Variants in SPON1 observed in about 807,000 individuals in gnomAD.
SPON1 encodes the protein spondin-1.
Under a neutral mutation model 111.7 loss-of-function variants are expected in SPON1, and 52 were observed. That is an observed-to-expected ratio of 0.47 (90% CI 0.37 to 0.59). The LOEUF (loss-of-function observed/expected upper bound fraction) is 0.59, where lower values mean the gene tolerates loss of function less well. SPON1 is among the 20% of genes least tolerant of loss of function. SPON1 has a pLI of 0.00. For missense variants in SPON1, 957 were observed against 1,068.5 expected (o/e 0.90, Z 1.46); for synonymous variants, 410 against 395.8 (o/e 1.04, Z -0.43).
At chr11:14,262,223 C>A (rs1359800437) in intron 14 of SPON1, among the ~76,000 whole-genome samples, 2 of 152,166 alleles carry the variant, frequency 1.3e-5, no homozygotes, top group African/African-American at 4.8e-5. Context: ...GAATGAAAAG[C>A]TGCCAGGGTG....
chr11:14,260,315 T>C (rs1411499241), intron 13 of SPON1, among the ~76,000 whole-genome samples: 6 of 152,164 alleles, frequency 3.9e-5, no homozygotes, highest in Non-Finnish European at 8.8e-5. Flanking sequence ...TCAGTGGCCT[T>C]TCTAGTGGGG....
chr11:13,975,715 T>C (rs1356942453), intron 1 of SPON1, among the ~76,000 whole-genome samples: 2 of 152,164 alleles, frequency 1.3e-5, no homozygotes, highest in African/African-American at 4.8e-5. Flanking sequence ...AACCTGAACT[T>C]GTAAGAATCG....
At chr11:14,019,289 G>C (rs976271416) in intron 2 of SPON1, among the ~76,000 whole-genome samples, 1 of 151,708 alleles carries the variant, frequency 6.6e-6, no homozygotes, top group Non-Finnish European at 1.5e-5. Flanking sequence ...AATAAGATGG[G>C]AATAATGGCA....
In SPON1 at chr11:14,009,830, T is replaced by C. The variant is rs367898299; in HGVS notation, c.345+26877T>C. Among the ~76,000 whole-genome samples, 3 of 152,282 alleles carry C rather than the reference T, an allele frequency of 2.0e-5. No individual in the cohort carries two copies. In the South Asian group the frequency reaches 6.2e-4, roughly 32 times the overall value. On this transcript the variant is annotated intron_variant, in intron 2 of 15. Coordinates refer to ENST00000576479, the MANE Select transcript of SPON1 (RefSeq NM_006108.4). Reference sequence around the variant, plus strand: ...GTAAGAGAGCTCACTCAGGTCTCTTTTATAAGGACACTAATTCCATTTATG... The same window carrying C: ...GTAAGAGAGCTCACTCAGGTCTCTTCTATAAGGACACTAATTCCATTTATG...
chr11:14,003,799 A>T (rs1848338182), intron 2 of SPON1, among the ~76,000 whole-genome samples: 3 of 152,176 alleles, frequency 2.0e-5, no homozygotes, highest in South Asian at 4.1e-4. Context: ...TTTTTGTGAC[A>T]AGGGCAACTA....
At chr11:14,229,771 C>G (rs1446564771) in intron 6 of SPON1, among the ~76,000 whole-genome samples, 1 of 152,188 alleles carries the variant, frequency 6.6e-6, no homozygotes, top group Non-Finnish European at 1.5e-5. Context: ...TATAAGTGAC[C>G]AAGCCAAGAG....
intron 6 of SPON1, among the ~76,000 whole-genome samples, chr11:14,199,085 G>T (rs576463554): frequency 6.6e-6 from 1 of 152,256 alleles, no homozygotes; most frequent in Admixed American, 6.5e-5. Flanking sequence ...CTTTGGTACA[G>T]AGTTACTAAG....
chr11:14,259,687 T>A lies in SPON1; in HGVS notation c.1817T>A (p.Met606Lys). 6 of 1,573,784 alleles carry A rather than the reference T, an allele frequency of 3.8e-6. No individual in the cohort carries two copies. The highest frequency in any genetic ancestry group is 5.2e-6 in the Non-Finnish European group (6 of 1,159,786). The change falls in exon 13 of 16, where the codon ATG becomes AAG. Residue 606 changes from methionine (M) to lysine (K), a missense_variant. Met to Lys is a moderately conservative substitution (Grantham distance 95). This residue lies in a region of SPON1 where 549 missense variants were observed against 606.2 expected (regional missense o/e 0.91). Transcript: ENST00000576479. The surrounding 1 kb of genome is among the most constrained non-coding windows in gnomAD (Gnocchi z 5.0). ...KAETSQAEKCMMPECHTIPCL... is the reference protein window; with the variant it reads ...KAETSQAEKCKMPECHTIPCL... ...GAGACATCACAGGCAGAGAAGTGCA[T>A]GATGCCAGAGTGCCGTGAGTGAGAG...
chr11:14,007,176 T>C (rs1848368884), intron 2 of SPON1, among the ~76,000 whole-genome samples: 1 of 152,196 alleles, frequency 6.6e-6, no homozygotes, highest in East Asian at 1.9e-4. Context: ...GCATGTGCAG[T>C]TCACCATAGG....
At chr11:14,190,135 C>G (rs1321462476) in intron 6 of SPON1, among the ~76,000 whole-genome samples, 2 of 152,190 alleles carry the variant, frequency 1.3e-5, no homozygotes, top group Non-Finnish European at 1.5e-5. Flanking sequence ...GCTCCAACAT[C>G]TGGACCCAGG....
At chr11:14,169,283 G>C (rs1397787673) in intron 6 of SPON1, among the ~76,000 whole-genome samples, 2 of 151,890 alleles carry the variant, frequency 1.3e-5, no homozygotes, top group African/African-American at 4.8e-5. Context: ...TGTGTTTTTT[G>C]ACTGCATAAA....
chr11:14,027,384 A>G (rs1025775569), intron 2 of SPON1, among the ~76,000 whole-genome samples: 3 of 152,188 alleles, frequency 2.0e-5, no homozygotes, highest in Admixed American at 6.5e-5. Context: ...ATGAGCTTCA[A>G]TAATCTGATC....
intron 5 of SPON1, among the ~76,000 whole-genome samples, chr11:14,093,954 A>G (rs182766998): frequency 6.6e-6 from 1 of 152,290 alleles, no homozygotes; most frequent in Admixed American, 6.5e-5. Context: ...GGTCACGCCT[A>G]TGATCCCAGC....
At chr11:13,991,692 G>A (rs906417393) in intron 2 of SPON1, among the ~76,000 whole-genome samples, 7 of 152,074 alleles carry the variant, frequency 4.6e-5, no homozygotes, top group African/African-American at 1.7e-4. Flanking sequence ...TTTTTTGCTG[G>A]CTTATCCACA....
intron 2 of SPON1, among the ~76,000 whole-genome samples, chr11:14,004,449 C>T (rs1367210032): frequency 2.0e-5 from 3 of 152,212 alleles, no homozygotes; most frequent in Non-Finnish European, 4.4e-5. Context: ...ACGTTTCCAT[C>T]AACAGCATAC....
chr11:14,059,120 C>T (rs1554919566), intron 3 of SPON1, among the ~76,000 whole-genome samples: 1 of 152,212 alleles, frequency 6.6e-6, no homozygotes, highest in African/African-American at 2.4e-5. Context: ...TTCATGCCTG[C>T]CCTGTTATCA....
At chr11:14,190,767 A>T (rs1848338395) in intron 6 of SPON1, among the ~76,000 whole-genome samples, 1 of 150,536 alleles carries the variant, frequency 6.6e-6, no homozygotes, top group Non-Finnish European at 1.5e-5. Context: ...CAGTGCCCCG[A>T]GTAGCTAGGA....
chr11:14,068,443 T>C (rs1258427182), intron 3 of SPON1, among the ~76,000 whole-genome samples: 1 of 152,184 alleles, frequency 6.6e-6, no homozygotes, highest in South Asian at 2.1e-4. Flanking sequence ...ACCGACCTCT[T>C]ACCCAAATTC....
intron 6 of SPON1, among the ~76,000 whole-genome samples, chr11:14,226,984 G>C (rs1301490853): frequency 6.6e-6 from 1 of 152,050 alleles, no homozygotes; most frequent in Non-Finnish European, 1.5e-5. Context: ...GTCTTGTAAA[G>C]ACACTTATAT....
Sources: gnomAD v4.1 joint callset for allele counts (sites outside exome capture counted in the v4.1 genomes callset) on GRCh38, gnomAD v4.1.1 for gene constraint, gnomAD v4.1.1 regional missense constraint, Gnocchi (gnomAD v3.1) non-coding constraint, MANE v1.5 for transcripts, NCBI Gene and HGNC (gene_info 2026-07-23, HGNC 2026-07-21) for gene names.